Variants in RNF112 observed in about 807,000 individuals in gnomAD.
The protein encoded by RNF112 is ring finger protein 112.
A neutral mutation model predicts 64.7 loss-of-function variants in RNF112; 34 were observed. The ratio of observed to expected loss-of-function variants is 0.53; its 90% CI spans 0.40 to 0.70. RNF112 has a LOEUF of 0.70. Ranked by LOEUF, RNF112 falls within the 30% of genes least tolerant of loss-of-function variation. The probability of loss-of-function intolerance (pLI) is 0.00; values close to 1 mark genes in which losing one functional copy is unlikely to be tolerated. For synonymous variants in RNF112, 345 were observed against 344.5 expected, an observed-to-expected ratio of 1.00 and a Z score of -0.02; for missense variants, 734 against 850.0, an observed-to-expected ratio of 0.86 and a Z score of 1.70.
Position 19,413,948 on chromosome 17 carries a change from C to T in RNF112, c.826-147C>T. 1.4e-6 allele frequency: 1 copy of T among 690,928 alleles called. No individual in the cohort carries two copies. The highest frequency in any genetic ancestry group is 2.0e-5 in the South Asian group (1 of 51,246). 42.8% of individuals were successfully genotyped at this position (690,928 alleles called of 1,614,324 possible). On this transcript the variant is annotated intron_variant, in intron 6 of 13. Coordinates refer to ENST00000461366, the MANE Select transcript of RNF112 (RefSeq NM_007148.5). The surrounding 1 kb of genome is among the most constrained non-coding windows in gnomAD (Gnocchi z 5.9). ...TCTCCGGCCTTGAGGCCAGCCCAGC[C>T]CTGCAGCCTTCGAGGCCCCCATACT...
Position 19,412,483 on chromosome 17 carries a change from T to C in RNF112, c.96-15T>C. 6.2e-7 allele frequency: 1 copy of C among 1,603,672 alleles called. No individual in the cohort carries two copies. The highest frequency in any genetic ancestry group is 1.1e-5 in the South Asian group (1 of 89,544). On this transcript the variant is annotated splice_polypyrimidine_tract_variant and intron_variant, in intron 2 of 13. Transcript: ENST00000461366. This position sits in a 1 kb window ranked among gnomAD's most constrained non-coding sequence, Gnocchi z 5.1. ...ATAGACATCCTGCTTTTCAATGGCC[T>C]GTTTTGCCCCACAGGTCCCATACAC...
chr17:19,411,757 G>C, intron 2 of RNF112, 87 bp downstream of exon 2: 2 of 1,404,364 alleles, frequency 1.4e-6, no homozygotes, highest in Non-Finnish European at 2.0e-6. Context: ...CACAGAGCCC[G>C]GCAGCCCAGC....
rs1437341261 is a variant in RNF112 at position 19,416,041 on chromosome 17, G to A, written c.1762G>A (p.Val588Met). 5 of 1,553,210 alleles carry A rather than the reference G, an allele frequency of 3.2e-6. No homozygotes were observed. Among genetic ancestry groups the A allele is most frequent in the Non-Finnish European group, 4.3e-6 (5 of 1,150,734 alleles). Residue 588 changes from valine to methionine, a missense_variant, in exon 14 of 14, where the codon GTG becomes ATG. Val to Met is a conservative substitution (Grantham distance 21). Transcript: ENST00000461366. ...TGGGATGGTGGCTGCTGGAGCTGCC[G>A]TGGGGGCCACAGGGGCCGCTGTGGT... Reference protein sequence around the residue: ...EAGMVAAGAAVGATGAAVVGG... With the variant: ...EAGMVAAGAAMGATGAAVVGG...
Position 19,411,393 on chromosome 17 carries a change from C to T in RNF112, c.-16C>T. ...TCCCCCTCTGCATCCGGACCCTCTC[C>T]CCATCCCAGCCTCCCATGCCAAGGC... On this transcript the variant is annotated 5_prime_UTR_variant, in exon 1 of 14. Transcript: ENST00000461366. The T allele has an allele frequency of 6.2e-7, 1 of 1,610,064 alleles. No homozygotes were observed. The highest frequency in any genetic ancestry group is 8.5e-7 in the Non-Finnish European group (1 of 1,179,282).
At position 19,416,290 on chromosome 17, in the gene RNF112, C is replaced by G; in HGVS notation, c.*115C>G. The G allele has an allele frequency of 1.0e-6, 1 of 991,930 alleles. No individual in the cohort carries two copies. Among genetic ancestry groups the G allele is most frequent in the Non-Finnish European group, 1.4e-6 (1 of 695,936 alleles). 61.4% of individuals were successfully genotyped at this position (991,930 alleles called of 1,614,324 possible). On this transcript the variant is annotated 3_prime_UTR_variant, in exon 14 of 14. Transcript: ENST00000461366. ...AAGGCACCGCCATGTACTGCACTGC[C>G]CTGGTCGAATGCTCGGTGTCTGGGT...
intron 7 of RNF112, 57 bp from the exon 8 acceptor site, chr17:19,414,392 G>A: frequency 6.2e-7 from 1 of 1,600,368 alleles, no homozygotes; most frequent in Admixed American, 1.7e-5. Context: ...CAGGCTTGGG[G>A]TGCACCATAG....
intron 7 of RNF112, 86 bp from the exon 8 acceptor site, chr17:19,414,363 G>T: frequency 6.7e-7 from 1 of 1,498,964 alleles, no homozygotes; most frequent in South Asian, 1.1e-5. Context: ...CCTACAGCAG[G>T]CGTAGGGAGG....
Position 19,415,084 on chromosome 17 carries a change from T to C in RNF112, c.1173T>C (p.Asp391=). The C allele has an allele frequency of 6.2e-7, 1 of 1,601,722 alleles. No homozygotes were observed. The highest frequency in any genetic ancestry group is 1.1e-5 in the South Asian group (1 of 90,084). ...FRHLLGAYVS[D]VLSAAPQHAK... ...ACCTTCTGGGGGCCTACGTCTCAGA[T>C]GTGCTGAGTGCGGCCCCCCAGCACG... Residue 391 remains aspartate, a synonymous_variant, in exon 11 of 14, where the codon GAT becomes GAC. Transcript: ENST00000461366. The surrounding 1 kb of genome is among the most constrained non-coding windows in gnomAD (Gnocchi z 7.8).
At position 19,414,467 on chromosome 17, in the gene RNF112, G is replaced by C; in HGVS notation, c.895G>C (p.Glu299Gln). The part of the protein sequence containing the change: ...DYLEMFVHVA[E>Q]VMGKHYGMVP... ...CCCCCAGATGTTTGTCCACGTGGCC[G>C]AGGTGATGGGCAAGCATTATGGGAT... The change falls in exon 8 of 14, where the codon GAG becomes CAG. Residue 299 changes from glutamate to glutamine, a missense_variant. Physicochemically the swap from Glu to Gln is conservative, Grantham distance 29. Transcript: ENST00000461366. 6.2e-7 allele frequency: 1 copy of C among 1,613,986 alleles called. No homozygotes were observed. The highest frequency in any genetic ancestry group is 1.1e-5 in the South Asian group (1 of 91,090).
chr17:19,415,117 C>T lies in RNF112; in HGVS notation c.1206C>T (p.Ser402=), dbSNP rs778974898. 6.2e-7 allele frequency: 1 copy of T among 1,607,938 alleles called. No individual in the cohort carries two copies. Among genetic ancestry groups the T allele is most frequent in the East Asian group, 2.2e-5 (1 of 44,842 alleles). Residue 402 remains serine, a synonymous_variant, in exon 11 of 14, where the codon AGC becomes AGT. Coordinates refer to ENST00000461366, the MANE Select transcript of RNF112 (RefSeq NM_007148.5). The surrounding 1 kb of genome is among the most constrained non-coding windows in gnomAD (Gnocchi z 7.8). ...GTGCGGCCCCCCAGCACGCTAAGAG[C>T]CGCTGCCAGGGGTACTGGAACGAGG... The part of the protein sequence containing the change: ...VLSAAPQHAK[S]RCQGYWNEGR...
rs368147237 is a variant in RNF112 at position 19,413,672 on chromosome 17, C to T, written c.816C>T (p.Ser272=). Residue 272 remains serine (S), a synonymous_variant, in exon 6 of 14, where the codon AGC becomes AGT. Coordinates refer to ENST00000461366, the MANE Select transcript of RNF112 (RefSeq NM_007148.5). This position sits in a 1 kb window ranked among gnomAD's most constrained non-coding sequence, Gnocchi z 5.9. ...IKLCALTTML[S]SYQILSTSQE... is the part of the protein sequence containing the mutation. ...TCTGTGCTCTCACCACGATGCTGAG[C>T]TCCTACCAGGTGATGGGGGGCGCTG... The T allele has an allele frequency of 1.9e-6, 3 of 1,608,628 alleles. No individual in the cohort carries two copies. Among genetic ancestry groups the T allele is most frequent in the Non-Finnish European group, 2.5e-6 (3 of 1,177,568 alleles).
intron 7 of RNF112, 74 bp from the exon 8 acceptor site, chr17:19,414,375 G>A: frequency 1.9e-6 from 3 of 1,566,254 alleles, no homozygotes; most frequent in Non-Finnish European, 1.8e-6. Flanking sequence ...GTAGGGAGGT[G>A]GGGAGACAGG....
In RNF112 at chr17:19,413,344, C is replaced by A. The variant is rs1913740229; in HGVS notation, c.653C>A (p.Ala218Asp). ...TCCCTGCAGGGCTGCAGGTGGGGCG[C>A]CAATGGCCTCGCCAGGGGCATATGG... ...EASLQGCRWG[A>D]NGLARGIWMW... The change falls in exon 5 of 14, where the codon GCC (alanine) becomes GAC (aspartate). Residue 218 changes from alanine (A) to aspartate (D), a missense_variant. Transcript: ENST00000461366. This position sits in a 1 kb window ranked among gnomAD's most constrained non-coding sequence, Gnocchi z 5.9. The A allele has an allele frequency of 6.2e-7, 1 of 1,613,176 alleles. No individual in the cohort carries two copies. The highest frequency in any genetic ancestry group is 8.5e-7 in the Non-Finnish European group (1 of 1,179,652).
In RNF112 at chr17:19,412,927, T is replaced by C. The variant is rs770440895; in HGVS notation, c.382-11T>C. ...TGGATGCTCAGGGGCCCCTCTCTTC[T>C]CCTGGCCCAGGAGACGTGTCCTGTG... On this transcript the variant is annotated splice_polypyrimidine_tract_variant and intron_variant, in intron 3 of 13. Coordinates refer to ENST00000461366, the MANE Select transcript of RNF112 (RefSeq NM_007148.5). The surrounding 1 kb of genome is among the most constrained non-coding windows in gnomAD (Gnocchi z 5.1). 1.9e-6 allele frequency: 3 copies of C among 1,575,410 alleles called. No individual in the cohort carries two copies. Among genetic ancestry groups the C allele is most frequent in the East Asian group, 2.3e-5 (1 of 43,362 alleles).
chr17:19,411,555 G>T, intron 1 of RNF112, 75 bp from the exon 2 acceptor site: 4 of 1,537,960 alleles, frequency 2.6e-6, no homozygotes, highest in Non-Finnish European at 2.6e-6. Flanking sequence ...AGGATGAGGG[G>T]TCCCTGGAAA....
Position 19,416,746 on chromosome 17 carries a change from G to C in RNF112, c.*571G>C, listed in dbSNP as rs1415021041. The C allele has an allele frequency of 1.3e-5, 2 of 153,236 alleles. No individual in the cohort carries two copies. Among genetic ancestry groups the C allele is most frequent in the Admixed American group, 6.5e-5 (1 of 15,472 alleles). The allele number at this position is 153,236 out of a possible 1,614,324, so 9.5% of individuals were successfully genotyped here. On this transcript the variant is annotated 3_prime_UTR_variant, in exon 14 of 14. Coordinates refer to ENST00000461366, the MANE Select transcript of RNF112 (RefSeq NM_007148.5). ...CCAGAGCAGAGAAACTTGTTCCCAT[G>C]ACCCTTCCCAAATCTGCTCCAGCAG...
Position 19,412,727 on chromosome 17 carries a change from A to G in RNF112, c.325A>G (p.Ser109Gly). The G allele has an allele frequency of 1.2e-6, 2 of 1,612,938 alleles. No individual in the cohort carries two copies. The highest frequency in any genetic ancestry group is 1.7e-6 in the Non-Finnish European group (2 of 1,179,758). ...ATGCAAGCAGAAGAGGGGCCTCCGG[A>G]GCCTGGGCGAGAAGATGAAGCTCCT... ...KICKQKRGLR[S>G]LGEKMKLLPQ... Residue 109 changes from serine (S) to glycine (G), a missense_variant, in exon 3 of 14, where the codon AGC (serine) becomes GGC (glycine). Transcript: ENST00000461366. The surrounding 1 kb of genome is among the most constrained non-coding windows in gnomAD (Gnocchi z 5.1).
In RNF112 at chr17:19,416,131, A is replaced by T; in HGVS notation, c.1852A>T (p.Arg618Trp). ...CTGCATGGAGAAGGAGGAGGATGAG[A>T]GGCTTCTGGAAGGGGACCGAGAGCC... Reference protein sequence around the residue: ...VGCMEKEEDERLLEGDREPLL... With the variant: ...VGCMEKEEDEWLLEGDREPLL... Residue 618 changes from arginine to tryptophan, a missense_variant, in exon 14 of 14, where the codon AGG becomes TGG. By Grantham distance (101) the Arg-to-Trp change is moderately radical (BLOSUM62 -3). Transcript: ENST00000461366. 1 of 1,576,554 alleles carries T rather than the reference A, an allele frequency of 6.3e-7. No homozygotes were observed.
In RNF112 at chr17:19,413,057, C is replaced by A. The variant is rs766227772; in HGVS notation, c.501C>A (p.Thr167=). The change falls in exon 4 of 14, where the codon ACC becomes ACA. Residue 167 remains threonine, a synonymous_variant. Coordinates refer to ENST00000461366, the MANE Select transcript of RNF112 (RefSeq NM_007148.5). The surrounding 1 kb of genome is among the most constrained non-coding windows in gnomAD (Gnocchi z 5.9). ...RCLKHPLARD[T]PVCLLAVLGE... ...TGAAGCACCCTCTGGCCAGGGACAC[C>A]CCAGTCTGCCTCCTCGCTGTCCTGG... 10 of 1,613,096 alleles carry A rather than the reference C, an allele frequency of 6.2e-6. No individual in the cohort carries two copies.
Sources: gnomAD v4.1 joint callset for allele counts on GRCh38, gnomAD v4.1.1 for gene constraint, Gnocchi (gnomAD v3.1) non-coding constraint, MANE v1.5 for transcripts, NCBI Gene and HGNC (gene_info 2026-07-23, HGNC 2026-07-21) for gene names.